PLK4: variants seen among roughly 807,000 people sequenced by gnomAD.
The protein encoded by PLK4 is serine/threonine-protein kinase PLK4.
In PLK4, 51 loss-of-function variants were observed where a neutral mutation model predicts 103.0. That is an observed-to-expected ratio of 0.50 (90% CI 0.40 to 0.63). The LOEUF (loss-of-function observed/expected upper bound fraction) is 0.63, where lower values mean the gene tolerates loss of function less well. Ranked by LOEUF, PLK4 falls within the 20% of genes least tolerant of loss-of-function variation. The pLI is 0.00. For synonymous variants in PLK4, 389 were observed against 376.8 expected (o/e 1.03, Z -0.38); for missense variants, 1,054 against 1,151.0 (o/e 0.92, Z 1.22).
intron 14 of PLK4, among the ~76,000 whole-genome samples, chr4:127,896,349 C>T (rs1735564773): frequency 6.6e-6 from 1 of 152,122 alleles, no homozygotes. Context: ...GAAGAAGTTT[C>T]AGAGGCTAAA....
chr4:127,883,637 T>C, intron 4 of PLK4, 84 bp downstream of exon 4: 1 of 623,704 alleles, frequency 1.6e-6, no homozygotes, highest in Non-Finnish European at 2.9e-6. Flanking sequence ...GAATATGCTA[T>C]TTTATAATAT....
chr4:127,893,360 A>T lies in PLK4; in HGVS notation c.2264A>T (p.Glu755Val). ...KTGKSYTLKS[E>V]SEVNSLKEEI... ...GGGAAGTCTTACACTTTAAAAAGTG[A>T]AAGTGAAGTTAATAGCTTGAAAGAG... Residue 755 changes from glutamate to valine, a missense_variant, in exon 11 of 16, where the codon GAA (glutamate) becomes GTA (valine). By Grantham distance (121) the Glu-to-Val change is moderately radical. Coordinates refer to ENST00000270861, the MANE Select transcript of PLK4 (RefSeq NM_014264.5). 6.2e-7 allele frequency: 1 copy of T among 1,605,218 alleles called. No homozygotes were observed. The highest frequency in any genetic ancestry group is 8.5e-7 in the Non-Finnish European group (1 of 1,172,668).
In PLK4 at chr4:127,889,889, T is replaced by C. The variant is rs530501949; in HGVS notation, c.1483T>C (p.Tyr495His). 5.0e-6 allele frequency: 8 copies of C among 1,606,322 alleles called. No individual in the cohort carries two copies. The East Asian group carries it at 1.8e-4, about 36-fold the overall frequency. ...INAHLRKTTE[Y>H]DSISPNRDFQ... ...AGCTCATTTAAGAAAAACTACTGAATATGACAGCATCAGCCCAAACCGGGA... is the reference window on the plus strand; with the variant it reads ...AGCTCATTTAAGAAAAACTACTGAACATGACAGCATCAGCCCAAACCGGGA... Residue 495 changes from tyrosine to histidine, a missense_variant, in exon 7 of 16, where the codon TAT becomes CAT. Tyr to His is a moderately conservative substitution (Grantham distance 83). Coordinates refer to ENST00000270861, the MANE Select transcript of PLK4 (RefSeq NM_014264.5).
Position 127,886,066 on chromosome 4 carries a change from T to C in PLK4, c.696T>C (p.Ser232=). The change falls in exon 5 of 16, where the codon TCT becomes TCC. Residue 232 remains serine (S), a synonymous_variant. Coordinates refer to ENST00000270861, the MANE Select transcript of PLK4 (RefSeq NM_014264.5). Reference sequence around the variant, plus strand: ...TATTGGCAGATTATGAAATGCCATCTTTTTTGTCAATAGAGGCCAAGGACC... The same window carrying C: ...TATTGGCAGATTATGAAATGCCATCCTTTTTGTCAATAGAGGCCAAGGACC... ...KVVLADYEMP[S]FLSIEAKDLI... 1 of 1,613,904 alleles carries C rather than the reference T, an allele frequency of 6.2e-7. No individual in the cohort carries two copies. Among genetic ancestry groups the C allele is most frequent in the South Asian group, 1.1e-5 (1 of 91,066 alleles).
chr4:127,898,339 A>G, intron 15 of PLK4, 100 bp from the exon 16 acceptor site: 2 of 641,712 alleles, frequency 3.1e-6, no homozygotes, highest in Non-Finnish European at 5.6e-6. Flanking sequence ...GCCTCTTGTT[A>G]TTGAAGAATT....
intron 6 of PLK4, 62 bp from the exon 7 acceptor site, chr4:127,889,804 A>C: frequency 8.2e-7 from 1 of 1,220,698 alleles, no homozygotes; most frequent in South Asian, 1.6e-5. Flanking sequence ...GAGTGACGTT[A>C]TTTTGTGTCG....
At chr4:127,897,584 G>A (rs1735615937) in intron 15 of PLK4, among the ~76,000 whole-genome samples, 2 of 152,026 alleles carry the variant, frequency 1.3e-5, no homozygotes, top group South Asian at 4.1e-4. Context: ...GCATTTTTGT[G>A]TTAAATTTAG....
At chr4:127,892,247 T>G in intron 9 of PLK4, 118 bp from the exon 10 acceptor site, 1 of 646,966 alleles carries the variant, frequency 1.5e-6, no homozygotes, top group Non-Finnish European at 2.5e-6. Flanking sequence ...GAGGTAACTC[T>G]TAGAAAAGAA....
At chr4:127,893,029 A>C (rs1169419262) in intron 10 of PLK4, among the ~76,000 whole-genome samples, 1 of 152,066 alleles carries the variant, frequency 6.6e-6, no homozygotes, top group East Asian at 1.9e-4. Context: ...GCTATCCTTC[A>C]ATTATGTTTT....
chr4:127,881,543 G>A (rs1444605646), intron 1 of PLK4, among the ~76,000 whole-genome samples: 1 of 152,166 alleles, frequency 6.6e-6, no homozygotes, highest in Non-Finnish European at 1.5e-5. Flanking sequence ...CCGCTCCCGG[G>A]GATTGGCTGG....
chr4:127,888,891 T>TC (rs1735245775), intron 6 of PLK4, among the ~76,000 whole-genome samples: 1 of 152,200 alleles, frequency 6.6e-6, no homozygotes, highest in Admixed American at 6.5e-5. Flanking sequence ...TGTATATTAT[T>TC]CTCAGAAGCC....
At chr4:127,897,564 C>A (rs188207341) in intron 15 of PLK4, among the ~76,000 whole-genome samples, 1 of 152,072 alleles carries the variant, frequency 6.6e-6, no homozygotes, top group Non-Finnish European at 1.5e-5. Context: ...TCTGTAGATA[C>A]CTACCAACTG....
At chr4:127,887,553 A>G (rs759694557) in intron 6 of PLK4, 57 bp downstream of exon 6, 4 of 967,740 alleles carry the variant, frequency 4.1e-6, no homozygotes, top group East Asian at 2.6e-5. Context: ...CTTACCAAGC[A>G]TTGCAGTGTT....
rs34675793 is a variant in PLK4, at chr4:127,887,871, C to CAA, written c.1459+395_1459+396dup. 3.5e-3 allele frequency among the ~76,000 whole-genome samples: 140 copies of CAA among 40,336 alleles called. 2 individuals are homozygous for CAA. The highest frequency in any genetic ancestry group is 0.026 in the Admixed American group (98 of 3,778). The allele number at this position is 40,336 out of a possible 152,430, so 26.5% of individuals were successfully genotyped here. A position where few individuals can be genotyped will look rare whatever the true frequency, so the allele number is the denominator to read the frequency against. ...TGTGTGACAGAGAGAGAGACCCTGTCAAAAAAAAAAAAAAAAAAAAAGCAT... is the reference window on the plus strand; with the variant it reads ...TGTGTGACAGAGAGAGAGACCCTGTCAAAAAAAAAAAAAAAAAAAAAAAGCAT... On this transcript the variant is annotated intron_variant, in intron 6 of 15. Transcript: ENST00000270861.
At position 127,891,650 on chromosome 4, in the gene PLK4, C is replaced by T; in HGVS notation, c.2007C>T (p.Asn669=). The change falls in exon 9 of 16, where the codon AAC becomes AAT. Residue 669 remains asparagine (N), a synonymous_variant. Transcript: ENST00000270861. Reference sequence around the variant, plus strand: ...ATAGACCACCCTCACCTACTGACAACATCAGTAGGTACAGCTTTGACAATT... The same window carrying T: ...ATAGACCACCCTCACCTACTGACAATATCAGTAGGTACAGCTTTGACAATT... ...LADRPPSPTD[N]ISRYSFDNLP... The T allele has an allele frequency of 6.6e-7, 1 of 1,524,976 alleles. No homozygotes were observed. 94.5% of individuals were successfully genotyped at this position (1,524,976 alleles called of 1,614,324 possible). A position where few individuals can be genotyped will look rare whatever the true frequency, so the allele number is the denominator to read the frequency against.
chr4:127,892,561 T>G (rs759133485), intron 10 of PLK4, 47 bp downstream of exon 10: 2 of 1,485,420 alleles, frequency 1.3e-6, no homozygotes, highest in Non-Finnish European at 1.9e-6. Flanking sequence ...GTTTGTAATT[T>G]AGTAGTTACG....
Position 127,886,004 on chromosome 4 carries a change from G to C in PLK4, c.634G>C (p.Asp212His). The change falls in exon 5 of 16, where the codon GAC (aspartate) becomes CAC (histidine). Residue 212 changes from aspartate to histidine, a missense_variant. Asp to His is a moderately conservative substitution (Grantham distance 81). This residue lies in a region of PLK4 where 199 missense variants were observed against 270.1 expected (regional missense o/e 0.74). Transcript: ENST00000270861. ...YTLLIGRPPF[D>H]TDTVKNTLNK... is the part of the protein sequence containing the mutation. The stretch of plus-strand genomic sequence containing the variant: ...ATTACTTATCGGGAGACCACCCTTC[G>C]ACACTGACACAGTCAAGAACACATT... 7 of 1,614,046 alleles carry C rather than the reference G, an allele frequency of 4.3e-6. 1 individual carries two copies. The highest frequency in any genetic ancestry group is 5.1e-6 in the Non-Finnish European group (6 of 1,179,934).
chr4:127,895,738 C>T (rs370582694), intron 14 of PLK4, among the ~76,000 whole-genome samples: 75 of 152,096 alleles, frequency 4.9e-4, no homozygotes, highest in Middle Eastern at 3.4e-3. Flanking sequence ...TAACTTTCAT[C>T]TGGCAAAAGA....
In PLK4 at chr4:127,887,516, T is replaced by C. The variant is rs371747534; in HGVS notation, c.1459+20T>C. ...TAAATGGTGAGTTTTTAATGGAGTA[T>C]TTAATCAAGAATTAATTACTTGGAA... is the stretch of plus-strand genomic sequence containing the variant. On this transcript the variant is annotated intron_variant, in intron 6 of 15. Coordinates refer to ENST00000270861, the MANE Select transcript of PLK4 (RefSeq NM_014264.5). 9.1e-6 allele frequency: 12 copies of C among 1,314,866 alleles called. No homozygotes were observed. Among genetic ancestry groups the C allele is most frequent in the Non-Finnish European group, 1.3e-5 (12 of 920,340 alleles). 81.4% of individuals were successfully genotyped at this position (1,314,866 alleles called of 1,614,324 possible).
Sources: allele counts gnomAD v4.1 joint callset (sites outside exome capture counted in the v4.1 genomes callset), GRCh38; gene constraint gnomAD v4.1.1; regional missense constraint gnomAD v4.1.1; transcripts MANE v1.5; gene names NCBI Gene and HGNC (gene_info 2026-07-23, HGNC 2026-07-21).